The following OR7G2 variants were observed in gnomAD, a reference collection of about 807,000 sequenced individuals.
The protein encoded by OR7G2 is olfactory receptor 7G2.
For synonymous variants in OR7G2, 153 were observed against 152.2 expected (o/e 1.01, Z -0.04); for missense variants, 362 against 384.0 (o/e 0.94, Z 0.48).
At position 9,102,510 on chromosome 19, in the gene OR7G2, A is replaced by C. The variant is rs752403834; in HGVS notation, c.734T>G (p.Leu245Arg). 67 of 1,614,054 alleles carry C rather than the reference A, an allele frequency of 4.2e-5. No individual in the cohort carries two copies. Among genetic ancestry groups the C allele is most frequent in the Non-Finnish European group, 5.5e-5 (65 of 1,180,034 alleles). ...CCCATAGAACAAGAGAACAATGGAG[A>C]GGTGAGACCCACAGGTGGAAACTGC... ...HKAVSTCGSH[L>R]SIVLLFYGAG... The change falls in exon 2 of 2, where the codon CTC becomes CGC. Residue 245 changes from leucine (L) to arginine (R), a missense_variant. Transcript: ENST00000641081.
rs1044865685 is a variant in OR7G2, at chr19:9,100,458, T to A, written c.*1811A>T. On this transcript the variant is annotated 3_prime_UTR_variant, in exon 2 of 2. Transcript: ENST00000641081. ...CACGTGGGCCAGGCCAGTTTTGAAC[T>A]CCTGACCTCAAGTGATCCACCCACC... 1 of 152,148 alleles carries A rather than the reference T, an allele frequency of 6.6e-6. No homozygotes were observed. The highest frequency in any genetic ancestry group is 2.4e-5 in the African/African-American group (1 of 41,418). 9.4% of individuals were successfully genotyped at this position (152,148 alleles called of 1,614,324 possible). A position where few individuals can be genotyped will look rare whatever the true frequency, so the allele number is the denominator to read the frequency against.
rs558556937 is a variant in OR7G2 at position 9,102,127 on chromosome 19, C to T, written c.*142G>A. ...CTGAGGCAGGAGGATGGCTTGAACCCGGAGGCGGAAGTTGCAGTGAGCCGA... is the reference window on the plus strand; with the variant it reads ...CTGAGGCAGGAGGATGGCTTGAACCTGGAGGCGGAAGTTGCAGTGAGCCGA... On this transcript the variant is annotated 3_prime_UTR_variant, in exon 2 of 2. Transcript: ENST00000641081. The T allele has an allele frequency of 6.3e-5, 43 of 685,708 alleles. 1 individual carries two copies. Among genetic ancestry groups the T allele is most frequent in the East Asian group, 4.4e-4 (16 of 36,496 alleles). 42.5% of individuals were successfully genotyped at this position (685,708 alleles called of 1,614,324 possible). A position where few individuals can be genotyped will look rare whatever the true frequency, so the allele number is the denominator to read the frequency against.
rs2050358608 is a variant in OR7G2, at chr19:9,102,340, TC to T, written c.903del (p.Arg302GlyfsTer4). 1.9e-6 allele frequency: 3 copies of T among 1,614,098 alleles called. No homozygotes were observed. The South Asian group carries it at 3.3e-5, about 18-fold the overall frequency. On this transcript the variant is annotated frameshift_variant, in exon 2 of 2. Coordinates refer to ENST00000641081, the MANE Select transcript of OR7G2 (RefSeq NM_001005193.2). LOFTEE classifies it low-confidence loss of function (END_TRUNC). ...GAAGGTATCCTCCCTATGAACTTCC[TC>T]AAGGTTCCTTTCATGTCCTTATTCC... ...SLRNKDMKGT[L>X]RKFIGRIPSL...
Position 9,103,017 on chromosome 19 carries a change from G to A in OR7G2, c.227C>T (p.Thr76Ile). Reference protein sequence around the residue: ...LSFLDICLSTTTIPKMLVNIQ... With the variant: ...LSFLDICLSTITIPKMLVNIQ... ...GTTCACCAGCATCTTTGGGATCGTGGTTGTGCTTAAACAAATGTCCAAAAA... is the reference window on the plus strand; with the variant it reads ...GTTCACCAGCATCTTTGGGATCGTGATTGTGCTTAAACAAATGTCCAAAAA... Residue 76 changes from threonine to isoleucine, a missense_variant, in exon 2 of 2, where the codon ACC (threonine) becomes ATC (isoleucine). By Grantham distance (89) the Thr-to-Ile change is moderately conservative. Transcript: ENST00000641081. 1 of 1,614,146 alleles carries A rather than the reference G, an allele frequency of 6.2e-7. No homozygotes were observed. The highest frequency in any genetic ancestry group is 8.5e-7 in the Non-Finnish European group (1 of 1,180,034).
rs1478043638 is a variant in OR7G2, at chr19:9,102,366, C to T, written c.878G>A (p.Arg293Lys). Residue 293 changes from arginine to lysine, a missense_variant, in exon 2 of 2, where the codon AGG becomes AAG. Transcript: ENST00000641081. ...CAAGGTTCCTTTCATGTCCTTATTC[C>T]TCAGACTATAGATAAAGGGGTTCAC... is the stretch of plus-strand genomic sequence containing the variant. ...QMVNPFIYSL[R>K]NKDMKGTLRK... The T allele has an allele frequency of 1.9e-6, 3 of 1,613,738 alleles. No homozygotes were observed. Among genetic ancestry groups the T allele is most frequent in the African/African-American group, 1.3e-5 (1 of 74,902 alleles).
rs144836316 is a variant in OR7G2, at chr19:9,103,251, A to T, written c.-8T>A. ...TTGGTTTCTCGCTTCCATGCTGTTG[A>T]TGATGAATCTGATGGAAAAGATAAT... On this transcript the variant is annotated 5_prime_UTR_variant, in exon 2 of 2. Transcript: ENST00000641081. The T allele has an allele frequency of 3.3e-4, 537 of 1,614,054 alleles. 2 individuals are homozygous for T. The East Asian group carries it at 0.012, about 35-fold the overall frequency.
Position 9,102,722 on chromosome 19 carries a change from G to T in OR7G2, c.522C>A (p.Ile174=). The T allele has an allele frequency of 6.2e-7, 1 of 1,614,160 alleles. No individual in the cohort carries two copies. Among genetic ancestry groups the T allele is most frequent in the Non-Finnish European group, 8.5e-7 (1 of 1,180,034 alleles). The change falls in exon 2 of 2, where the codon ATC becomes ATA. Residue 174 remains isoleucine, a synonymous_variant. Coordinates refer to ENST00000641081, the MANE Select transcript of OR7G2 (RefSeq NM_001005193.2). The stretch of plus-strand genomic sequence containing the variant: ...GAGCCAGTTCACAGAAGAAGAGCGG[G>T]ATTTCCAGGTCTGTGCAGAAGGACA... ...LRLSFCTDLE[I]PLFFCELAQV...
Position 9,100,821 on chromosome 19 carries a change from C to T in OR7G2, c.*1448G>A, listed in dbSNP as rs971964819. The T allele has an allele frequency of 1.3e-5, 2 of 152,154 alleles. No homozygotes were observed. The highest frequency in any genetic ancestry group is 6.6e-5 in the Admixed American group (1 of 15,254). The allele number at this position is 152,154 out of a possible 1,614,324, so 9.4% of individuals were successfully genotyped here. ...TACGCAATAAGGTGGAAGCTTGTCT[C>T]CAGATATAACAACAACCTCGCTTAA... On this transcript the variant is annotated 3_prime_UTR_variant, in exon 2 of 2. Coordinates refer to ENST00000641081, the MANE Select transcript of OR7G2 (RefSeq NM_001005193.2).
chr19:9,102,247 C>G lies in OR7G2; in HGVS notation c.*22G>C, dbSNP rs774577543. 1.3e-6 allele frequency: 2 copies of G among 1,566,438 alleles called. No individual in the cohort carries two copies. The highest frequency in any genetic ancestry group is 1.7e-6 in the Non-Finnish European group (2 of 1,157,950). Reference sequence around the variant, plus strand: ...ACAAAGAGTCAGGCATTCTAGCTCACCAGGAATCCTGTCACTTTGACTTAC... The same window carrying G: ...ACAAAGAGTCAGGCATTCTAGCTCAGCAGGAATCCTGTCACTTTGACTTAC... On this transcript the variant is annotated 3_prime_UTR_variant, in exon 2 of 2. Transcript: ENST00000641081.
intron 1 of OR7G2, among the ~76,000 whole-genome samples, chr19:9,106,857 T>C (rs1370231809): frequency 6.6e-6 from 1 of 152,046 alleles, no homozygotes; most frequent in Non-Finnish European, 1.5e-5. Context: ...ATACCTTTCA[T>C]TATATTTGAT....
chr19:9,107,122 T>C (rs1005523749), intron 1 of OR7G2, among the ~76,000 whole-genome samples, 192 bp downstream of exon 1: 2 of 152,144 alleles, frequency 1.3e-5, no homozygotes, highest in Non-Finnish European at 2.9e-5. Flanking sequence ...AAGGATTGGT[T>C]GATCCAGGAA....
In OR7G2 at chr19:9,102,133, C is replaced by T. The variant is rs535806175; in HGVS notation, c.*136G>A. The stretch of plus-strand genomic sequence containing the variant: ...CAGGAGGATGGCTTGAACCCGGAGG[C>T]GGAAGTTGCAGTGAGCCGAGGTCGT... On this transcript the variant is annotated 3_prime_UTR_variant, in exon 2 of 2. Coordinates refer to ENST00000641081, the MANE Select transcript of OR7G2 (RefSeq NM_001005193.2). The T allele has an allele frequency of 1.3e-5, 9 of 714,404 alleles. No individual in the cohort carries two copies. The highest frequency in any genetic ancestry group is 2.7e-5 in the East Asian group (1 of 36,846). 44.3% of individuals were successfully genotyped at this position (714,404 alleles called of 1,614,324 possible).
chr19:9,105,896 C>A (rs1441410516), intron 1 of OR7G2, among the ~76,000 whole-genome samples: 26 of 140,674 alleles, frequency 1.8e-4, no homozygotes, highest in Admixed American at 2.8e-4. Context: ...GTATGATTCA[C>A]AAAAAAAAGA....
intron 1 of OR7G2, among the ~76,000 whole-genome samples, chr19:9,106,118 G>A (rs571588768): frequency 1.3e-5 from 2 of 151,856 alleles, no homozygotes; most frequent in Admixed American, 6.6e-5. Context: ...ATCAGTCAAC[G>A]ATATAAGATT....
chr19:9,107,144 A>G (rs991814750), intron 1 of OR7G2, among the ~76,000 whole-genome samples, 170 bp downstream of exon 1: 1 of 152,156 alleles, frequency 6.6e-6, no homozygotes. Context: ...TCAAGACTGC[A>G]GTGAGCTATG....
At chr19:9,104,286 A>G (rs555808960) in intron 1 of OR7G2, among the ~76,000 whole-genome samples, 24 of 152,230 alleles carry the variant, frequency 1.6e-4, no homozygotes, top group Admixed American at 5.9e-4. Flanking sequence ...CTAAGACCAC[A>G]TGTACCTTTG....
In OR7G2 at chr19:9,100,436, G is replaced by A. The variant is rs573422903; in HGVS notation, c.*1833C>T. Reference sequence around the variant, plus strand: ...TTTAGTAGAGATGGGGTTTCACCACGTGGGCCAGGCCAGTTTTGAACTCCT... The same window carrying A: ...TTTAGTAGAGATGGGGTTTCACCACATGGGCCAGGCCAGTTTTGAACTCCT... On this transcript the variant is annotated 3_prime_UTR_variant, in exon 2 of 2. Coordinates refer to ENST00000641081, the MANE Select transcript of OR7G2 (RefSeq NM_001005193.2). 13 of 152,146 alleles carry A rather than the reference G, an allele frequency of 8.5e-5. No individual in the cohort carries two copies. In the South Asian group the frequency reaches 1.2e-3, roughly 15 times the overall value. 9.4% of individuals were successfully genotyped at this position (152,146 alleles called of 1,614,324 possible). A position where few individuals can be genotyped will look rare whatever the true frequency, so the allele number is the denominator to read the frequency against.
chr19:9,104,073 G>C (rs1341468998), intron 1 of OR7G2, among the ~76,000 whole-genome samples: 2 of 151,464 alleles, frequency 1.3e-5, no homozygotes, highest in Non-Finnish European at 2.9e-5. Flanking sequence ...GTTTAGTAGA[G>C]ACAGGGTCTC....
At position 9,101,496 on chromosome 19, in the gene OR7G2, C is replaced by A. The variant is rs1001560574; in HGVS notation, c.*773G>T. On this transcript the variant is annotated 3_prime_UTR_variant, in exon 2 of 2. Transcript: ENST00000641081. Reference sequence around the variant, plus strand: ...CTTTGGGAGGCCGAGGCGAATGGATCACAAGGTCAGGAGATCGAGACCACC... The same window carrying A: ...CTTTGGGAGGCCGAGGCGAATGGATAACAAGGTCAGGAGATCGAGACCACC... 1 of 152,010 alleles carries A rather than the reference C, an allele frequency of 6.6e-6. No homozygotes were observed. The highest frequency in any genetic ancestry group is 2.1e-4 in the South Asian group (1 of 4,816). 9.4% of individuals were successfully genotyped at this position (152,010 alleles called of 1,614,324 possible). A position where few individuals can be genotyped will look rare whatever the true frequency, so the allele number is the denominator to read the frequency against.
Sources: gnomAD v4.1 joint callset for allele counts (sites outside exome capture counted in the v4.1 genomes callset) on GRCh38, gnomAD v4.1.1 for gene constraint, MANE v1.5 for transcripts, NCBI Gene and HGNC (gene_info 2026-07-23, HGNC 2026-07-21) for gene names.